The following CLPX variants were observed in gnomAD, a reference collection of about 807,000 sequenced individuals.
The protein encoded by CLPX is ATP-dependent clpX-like chaperone, mitochondrial.
In CLPX, 34 loss-of-function variants were observed where a neutral mutation model predicts 76.4. The observed-to-expected ratio is 0.45, with a 90% CI of 0.34 to 0.59. The LOEUF (loss-of-function observed/expected upper bound fraction) is 0.59, where lower values mean the gene tolerates loss of function less well. CLPX is among the 20% of genes least tolerant of loss of function. The probability of loss-of-function intolerance (pLI) is 0.01; values close to 1 mark genes in which losing one functional copy is unlikely to be tolerated. For synonymous variants in CLPX, 248 were observed against 270.9 expected, an observed-to-expected ratio of 0.92 and a Z score of 0.83; for missense variants, 613 against 757.0, an observed-to-expected ratio of 0.81 and a Z score of 2.23.
In CLPX at chr15:65,154,763, C is replaced by CA. The variant is rs1411515049; in HGVS notation, c.1611+18dup. 8.4e-6 allele frequency: 13 copies of CA among 1,554,048 alleles called. No homozygotes were observed. Among genetic ancestry groups the CA allele is most frequent in the Non-Finnish European group, 1.1e-5 (13 of 1,146,474 alleles). On this transcript the variant is annotated intron_variant, in intron 11 of 13. Transcript: ENST00000300107. ...CAAGAAAATAAAAAATAACTAAGTACAAAAAATAAAAATCTAACCTTATCC... is the reference window on the plus strand; with the variant it reads ...CAAGAAAATAAAAAATAACTAAGTACAAAAAAATAAAAATCTAACCTTATCC...
intron 3 of CLPX, among the ~76,000 whole-genome samples, chr15:65,173,437 C>A (rs935151873): frequency 1.3e-5 from 2 of 150,692 alleles, no homozygotes; most frequent in African/African-American, 4.9e-5. Context: ...CTGGAACCCT[C>A]ATATTGCTGG....
At chr15:65,159,124 T>C (rs1167946682) in intron 6 of CLPX, among the ~76,000 whole-genome samples, 1 of 152,222 alleles carries the variant, frequency 6.6e-6, no homozygotes, top group Non-Finnish European at 1.5e-5. Flanking sequence ...GGGCAAGTCA[T>C]ATAAACTTTA....
chr15:65,152,090 C>T (rs1451817114), intron 13 of CLPX, among the ~76,000 whole-genome samples: 6 of 151,990 alleles, frequency 3.9e-5, no homozygotes, highest in African/African-American at 7.2e-5. Context: ...CCACCACGCC[C>T]AGCTAATTTT....
chr15:65,164,263 A>G, intron 4 of CLPX, 75 bp from the exon 5 acceptor site: 1 of 1,205,546 alleles, frequency 8.3e-7, no homozygotes. Context: ...TTATTTACTA[A>G]GCATATTTGC....
intron 4 of CLPX, among the ~76,000 whole-genome samples, chr15:65,164,803 C>T (rs1170989627): frequency 6.6e-6 from 1 of 150,756 alleles, no homozygotes; most frequent in East Asian, 1.9e-4. Flanking sequence ...TTTTTTGATA[C>T]AGGGTCTCAC....
intron 12 of CLPX, 97 bp downstream of exon 12, chr15:65,153,450 T>C (rs1245944241): frequency 1.3e-6 from 1 of 773,000 alleles, no homozygotes; most frequent in Non-Finnish European, 2.2e-6. Context: ...TGTCTCAAAA[T>C]ATATATACAT....
At chr15:65,173,835 T>C (rs2088047962) in intron 3 of CLPX, among the ~76,000 whole-genome samples, 1 of 152,270 alleles carries the variant, frequency 6.6e-6, no homozygotes, top group African/African-American at 2.4e-5. Context: ...AACCCATTGA[T>C]AGAGAAAGTA....
intron 10 of CLPX, among the ~76,000 whole-genome samples, chr15:65,155,438 A>G (rs957014804): frequency 6.6e-6 from 1 of 152,122 alleles, no homozygotes; most frequent in Non-Finnish European, 1.5e-5. Context: ...TTTAGTAGAG[A>G]CAGGGTTTCA....
At chr15:65,178,805 G>A in intron 3 of CLPX, 129 bp downstream of exon 3, 1 of 437,536 alleles carries the variant, frequency 2.3e-6, no homozygotes, top group East Asian at 3.7e-5. Flanking sequence ...CAAAGTGCTA[G>A]GATTATAGGC....
At chr15:65,167,714 A>T (rs8023926) in intron 3 of CLPX, among the ~76,000 whole-genome samples, 108,387 of 144,744 alleles carry the variant, frequency 0.75, 41,325 homozygotes, top group East Asian at 0.98. Context: ...CGTCTCTACT[A>T]AAAAAAAAAA....
chr15:65,178,095 T>A (rs948280412), intron 3 of CLPX, among the ~76,000 whole-genome samples: 8 of 152,194 alleles, frequency 5.3e-5, no homozygotes, highest in Non-Finnish European at 7.3e-5. Flanking sequence ...TGCCCAGCCC[T>A]GATTTCTTCC....
In CLPX at chr15:65,150,631, C is replaced by G. The variant is rs552396503; in HGVS notation, c.*192G>C. The stretch of plus-strand genomic sequence containing the variant: ...CTCTAAACATTGTGTCATTAAAGTC[C>G]ATATAACATCTTCCGTAAAATCAAT... On this transcript the variant is annotated 3_prime_UTR_variant, in exon 14 of 14. Transcript: ENST00000300107. The G allele has an allele frequency of 1.5e-5, 6 of 388,630 alleles. No individual in the cohort carries two copies. The highest frequency in any genetic ancestry group is 2.3e-5 in the Non-Finnish European group (5 of 218,554). The allele number at this position is 388,630 out of a possible 1,614,324, so 24.1% of individuals were successfully genotyped here. A position where few individuals can be genotyped will look rare whatever the true frequency, so the allele number is the denominator to read the frequency against.
chr15:65,175,558 T>G (rs2088079214), intron 3 of CLPX, among the ~76,000 whole-genome samples: 1 of 152,256 alleles, frequency 6.6e-6, no homozygotes, highest in African/African-American at 2.4e-5. Context: ...TTAACCAAAA[T>G]GCACGGGACC....
intron 12 of CLPX, 127 bp downstream of exon 12, chr15:65,153,420 C>T: frequency 3.1e-6 from 2 of 650,902 alleles, no homozygotes; most frequent in African/African-American, 1.9e-5. Flanking sequence ...CGCACCACTG[C>T]ACTCCTTTAT....
intron 4 of CLPX, among the ~76,000 whole-genome samples, chr15:65,164,626 T>C (rs961425120): frequency 1.3e-4 from 20 of 152,174 alleles, no homozygotes; most frequent in African/African-American, 4.8e-4. Context: ...AACTACTCTT[T>C]TCAGAAACAG....
At chr15:65,160,626 C>CACACAT (rs983865004) in intron 6 of CLPX, among the ~76,000 whole-genome samples, 2 of 29,130 alleles carry the variant, frequency 6.9e-5, no homozygotes, top group African/African-American at 1.9e-4. Flanking sequence ...CTCTCTCTCA[C>CACACAT]ACACACACAC....
At chr15:65,164,449 C>T (rs964526971) in intron 4 of CLPX, among the ~76,000 whole-genome samples, 1 of 152,124 alleles carries the variant, frequency 6.6e-6, no homozygotes, top group Admixed American at 6.5e-5. Flanking sequence ...ATTCTATAAA[C>T]AATGCTATCA....
intron 5 of CLPX, 136 bp downstream of exon 5, chr15:65,163,893 C>T: frequency 2.5e-6 from 2 of 796,298 alleles, no homozygotes; most frequent in Non-Finnish European, 4.1e-6. Flanking sequence ...TCATAACACA[C>T]TAATGGGGAA....
intron 6 of CLPX, among the ~76,000 whole-genome samples, 199 bp downstream of exon 6, chr15:65,162,405 A>G (rs1353055769): frequency 7.2e-5 from 11 of 152,218 alleles, no homozygotes; most frequent in African/African-American, 2.7e-4. Context: ...CAACATATGG[A>G]AACGACACAA....
Sources: allele counts gnomAD v4.1 joint callset (sites outside exome capture counted in the v4.1 genomes callset), GRCh38; gene constraint gnomAD v4.1.1; transcripts MANE v1.5; gene names NCBI Gene and HGNC (gene_info 2026-07-23, HGNC 2026-07-21).